DCC: variants seen among roughly 807,000 people sequenced by gnomAD.
DCC encodes the protein DCC netrin 1 receptor.
A neutral mutation model predicts 172.5 loss-of-function variants in DCC; 58 were observed. The observed-to-expected ratio is 0.34, with a 90% CI of 0.27 to 0.42. The LOEUF (loss-of-function observed/expected upper bound fraction) is 0.42, where lower values mean the gene tolerates loss of function less well. DCC is among the 10% of genes least tolerant of loss of function. The probability of loss-of-function intolerance (pLI) is 1.00; values close to 1 mark genes in which losing one functional copy is unlikely to be tolerated. For synonymous variants in DCC, 709 were observed against 644.5 expected, an observed-to-expected ratio of 1.10 and a Z score of -1.52; for missense variants, 1,740 against 1,791.0, an observed-to-expected ratio of 0.97 and a Z score of 0.51.
chr18:52,619,083 A>T (rs532395821), intron 1 of DCC, among the ~76,000 whole-genome samples: 1 of 152,208 alleles, frequency 6.6e-6, no homozygotes, highest in South Asian at 2.1e-4. Flanking sequence ...GATTACGGGC[A>T]TGCACCGCTA....
chr18:52,930,230 T>C (rs2040287550), intron 5 of DCC, among the ~76,000 whole-genome samples: 1 of 152,112 alleles, frequency 6.6e-6, no homozygotes, highest in Non-Finnish European at 1.5e-5. Context: ...CTCCCAAGGT[T>C]CTGGGATTAC....
intron 12 of DCC, among the ~76,000 whole-genome samples, chr18:53,300,792 T>G (rs967219258): frequency 6.6e-6 from 1 of 152,108 alleles, no homozygotes; most frequent in African/African-American, 2.4e-5. Flanking sequence ...ATTTTTTTTC[T>G]TCTCTCAGAG....
At chr18:52,828,220 T>C (rs1458122031) in intron 2 of DCC, among the ~76,000 whole-genome samples, 1 of 152,224 alleles carries the variant, frequency 6.6e-6, no homozygotes, top group East Asian at 1.9e-4. Flanking sequence ...GTCTCCTTCA[T>C]GATGGATTTT....
chr18:53,162,511 A>T (rs1322769706), intron 8 of DCC, among the ~76,000 whole-genome samples: 2 of 152,138 alleles, frequency 1.3e-5, no homozygotes, highest in Non-Finnish European at 2.9e-5. Context: ...TGTTTTTCTC[A>T]TTCACAGAAT....
chr18:53,039,796 A>G (rs531705845), intron 5 of DCC, among the ~76,000 whole-genome samples: 3 of 152,058 alleles, frequency 2.0e-5, no homozygotes, highest in East Asian at 1.9e-4. Flanking sequence ...GATCCTTTTC[A>G]CTTTTCCTTC....
intron 16 of DCC, among the ~76,000 whole-genome samples, chr18:53,386,349 A>G (rs1908168451): frequency 6.6e-6 from 1 of 152,018 alleles, no homozygotes; most frequent in African/African-American, 2.4e-5. Flanking sequence ...TTGGTTGTCG[A>G]AATTAAGTAG....
chr18:52,875,843 C>A (rs970787486), intron 2 of DCC, among the ~76,000 whole-genome samples: 4 of 152,020 alleles, frequency 2.6e-5, no homozygotes, highest in Admixed American at 2.0e-4. Context: ...AGCTGGCCTG[C>A]CACACAGAGG....
intron 5 of DCC, among the ~76,000 whole-genome samples, chr18:52,964,201 A>G (rs1398930796): frequency 6.6e-6 from 1 of 152,158 alleles, no homozygotes; most frequent in Non-Finnish European, 1.5e-5. Context: ...AGAAGACAAA[A>G]ACTGTCTTTT....
intron 5 of DCC, among the ~76,000 whole-genome samples, chr18:53,029,209 C>G (rs1343451867): frequency 6.6e-6 from 1 of 152,074 alleles, no homozygotes; most frequent in Non-Finnish European, 1.5e-5. Context: ...AGTTATAACT[C>G]ATTAGAAAAT....
intron 1 of DCC, among the ~76,000 whole-genome samples, chr18:52,698,613 G>C (rs1020039140): frequency 2.7e-5 from 4 of 150,788 alleles, no homozygotes; most frequent in African/African-American, 9.8e-5. Context: ...TTTTTTTTGA[G>C]ATGGAGTCTC....
At position 53,280,033 on chromosome 18, in the gene DCC, A is replaced by G. The variant is rs1336276414; in HGVS notation, c.1912-25545A>G. Reference sequence around the variant, plus strand: ...ACAAAATAATCTATACCAAGCCCCTATCACACAAAATTTACCTATATAACA... The same window carrying G: ...ACAAAATAATCTATACCAAGCCCCTGTCACACAAAATTTACCTATATAACA... On this transcript the variant is annotated intron_variant, in intron 12 of 28. Coordinates refer to ENST00000442544, the MANE Select transcript of DCC (RefSeq NM_005215.4). Among the ~76,000 whole-genome samples, 87 of 152,130 alleles carry G rather than the reference A, an allele frequency of 5.7e-4. 1 individual carries two copies. The highest frequency in any genetic ancestry group is 7.4e-5 in the Non-Finnish European group (5 of 68,018).
chr18:53,033,367 C>A (rs1049676292), intron 5 of DCC, among the ~76,000 whole-genome samples: 2 of 152,126 alleles, frequency 1.3e-5, no homozygotes, highest in Non-Finnish European at 2.9e-5. Context: ...CACTTGATTT[C>A]CCAAGCACTG....
intron 1 of DCC, among the ~76,000 whole-genome samples, chr18:52,610,164 AAAAAAAAAAAAAAAATATAT>A (rs1218967190): frequency 2.0e-3 from 45 of 22,320 alleles, no homozygotes; most frequent in Admixed American, 3.9e-3. Flanking sequence ...AAAAAAAAAA[AAAAAAAAAAAAAAAATATAT>A]ATATATATAT....
rs1366496159 is a variant in DCC, at chr18:52,807,772, T to A, written c.412+55398T>A. Among the ~76,000 whole-genome samples, 4 of 152,342 alleles carry A rather than the reference T, an allele frequency of 2.6e-5. No homozygotes were observed. The South Asian group carries it at 8.3e-4, about 32-fold the overall frequency. ...CTCTACTGCAAACAGGTGTTTATCC[T>A]CTTTGCGAAATGCTGCTTTAACATA... On this transcript the variant is annotated intron_variant, in intron 2 of 28. Transcript: ENST00000442544.
At chr18:52,598,898 T>C (rs1466647951) in intron 1 of DCC, among the ~76,000 whole-genome samples, 2 of 152,186 alleles carry the variant, frequency 1.3e-5, no homozygotes, top group Non-Finnish European at 2.9e-5. Context: ...AGGGGTGGAA[T>C]GCCGTGTCCT....
chr18:52,573,308 G>A (rs190728552), intron 1 of DCC, among the ~76,000 whole-genome samples: 2 of 152,182 alleles, frequency 1.3e-5, no homozygotes, highest in African/African-American at 4.8e-5. Context: ...AATGAAGTTA[G>A]GGGGCAAGAA....
chr18:52,474,975 G>C (rs1443142110), intron 1 of DCC, among the ~76,000 whole-genome samples: 1 of 152,150 alleles, frequency 6.6e-6, no homozygotes, highest in African/African-American at 2.4e-5. Context: ...TCTGATATTA[G>C]TTATTCTTTG....
At chr18:53,025,053 G>C (rs930746566) in intron 5 of DCC, among the ~76,000 whole-genome samples, 5 of 152,014 alleles carry the variant, frequency 3.3e-5, no homozygotes, top group African/African-American at 1.2e-4. Flanking sequence ...GCTGATTCTT[G>C]AAAATGCTTG....
intron 1 of DCC, among the ~76,000 whole-genome samples, chr18:52,359,074 G>T (rs1193065464): frequency 6.6e-6 from 1 of 152,118 alleles, no homozygotes; most frequent in Non-Finnish European, 1.5e-5. Context: ...GGGCTGATCT[G>T]GGGACAGATG....
Sources: allele counts gnomAD v4.1 joint callset (sites outside exome capture counted in the v4.1 genomes callset), GRCh38; gene constraint gnomAD v4.1.1; transcripts MANE v1.5; gene names NCBI Gene and HGNC (gene_info 2026-07-23, HGNC 2026-07-21).